The following BTBD9 variants were observed in gnomAD, a reference collection of about 807,000 sequenced individuals.
BTBD9 encodes the protein BTB/POZ domain-containing protein 9.
A neutral mutation model predicts 64.3 loss-of-function variants in BTBD9; 49 were observed. The observed-to-expected ratio is 0.76, with a 90% CI of 0.61 to 0.97. The LOEUF (loss-of-function observed/expected upper bound fraction) is 0.97, where lower values mean the gene tolerates loss of function less well. Among genes scored for constraint, BTBD9 ranks in the 50% least tolerant of loss-of-function variants. The pLI is 0.00. For missense variants in BTBD9, 598 were observed against 762.1 expected (o/e 0.78, Z 2.53); for synonymous variants, 260 against 274.7 (o/e 0.95, Z 0.53).
Position 38,289,309 on chromosome 6 carries a change from G to T in BTBD9, c.1265-848C>A, listed in dbSNP as rs1296920251. ...GGATTGCTTGGGCCTGGGAAGCAAT[G>T]GTTGCAGTGAGCCGAGGTCATGCCA... On this transcript the variant is annotated intron_variant, in intron 7 of 10. Coordinates refer to ENST00000481247, the MANE Select transcript of BTBD9 (RefSeq NM_001099272.2). Among the ~76,000 whole-genome samples the T allele has an allele frequency of 2.0e-5, 3 of 152,166 alleles. No individual in the cohort carries two copies. In the East Asian group the frequency reaches 5.8e-4, roughly 29 times the overall value.
chr6:38,534,469 A>T (rs2127432456), intron 6 of BTBD9, among the ~76,000 whole-genome samples: 1 of 141,762 alleles, frequency 7.1e-6, no homozygotes, highest in African/African-American at 2.6e-5. Context: ...TTCTACTCAA[A>T]CTGTTCAAAA....
chr6:38,349,752 T>C (rs1415540768), intron 6 of BTBD9, among the ~76,000 whole-genome samples: 1 of 151,924 alleles, frequency 6.6e-6, no homozygotes, highest in Non-Finnish European at 1.5e-5. Context: ...AAATGGTGCA[T>C]CTATGAGAGG....
chr6:38,489,684 T>C (rs951185839), intron 6 of BTBD9, among the ~76,000 whole-genome samples: 2 of 152,218 alleles, frequency 1.3e-5, no homozygotes, highest in Non-Finnish European at 2.9e-5. Context: ...ATTCAAAATA[T>C]TTTTCCATTT....
At chr6:38,287,920 A>C (rs1393368557) in intron 8 of BTBD9, among the ~76,000 whole-genome samples, 2 of 152,264 alleles carry the variant, frequency 1.3e-5, no homozygotes, top group African/African-American at 4.8e-5. Flanking sequence ...TATGTAATTT[A>C]TTAAAGTTGA....
chr6:38,246,599 C>CT (rs1764212668), intron 9 of BTBD9, among the ~76,000 whole-genome samples: 1 of 146,148 alleles, frequency 6.8e-6, no homozygotes, highest in African/African-American at 2.5e-5. Flanking sequence ...AATGTTTGCC[C>CT]TTTAAAAAAA....
At position 38,189,224 on chromosome 6, in the gene BTBD9, G is replaced by A. The variant is rs1026599868; in HGVS notation, c.1641+3295C>T. Among the ~76,000 whole-genome samples the A allele has an allele frequency of 3.9e-5, 6 of 152,192 alleles. No homozygotes were observed. In the East Asian group the frequency reaches 7.7e-4, roughly 20 times the overall value. ...ATGCTGCGGCCCTCCCCAGCTCCAC[G>A]AAGTGCTCTTGTCCATGCGGTCATA... On this transcript the variant is annotated intron_variant, in intron 10 of 10. Transcript: ENST00000481247.
intron 6 of BTBD9, among the ~76,000 whole-genome samples, chr6:38,393,268 C>T (rs1167713939): frequency 6.6e-6 from 1 of 152,192 alleles, no homozygotes; most frequent in Non-Finnish European, 1.5e-5. Context: ...TGCTTTCATT[C>T]TGGAGGTTCT....
intron 6 of BTBD9, among the ~76,000 whole-genome samples, chr6:38,542,712 C>G (rs556273630): frequency 6.6e-6 from 1 of 152,258 alleles, no homozygotes; most frequent in African/African-American, 2.4e-5. Context: ...CAAAACTAAG[C>G]ATATGATTCC....
At chr6:38,620,163 G>A (rs1163772017) in intron 1 of BTBD9, among the ~76,000 whole-genome samples, 1 of 152,204 alleles carries the variant, frequency 6.6e-6, no homozygotes, top group Non-Finnish European at 1.5e-5. Context: ...AGCAGTCCCT[G>A]CAATACCCGA....
intron 10 of BTBD9, among the ~76,000 whole-genome samples, chr6:38,177,332 GCCAGC>G (rs1761317040): frequency 6.6e-6 from 1 of 152,032 alleles, no homozygotes; most frequent in South Asian, 2.1e-4. Context: ...TAATTTCCAG[GCCAGC>G]TCTTCCCCCA....
chr6:38,282,806 G>C (rs554430909), intron 8 of BTBD9, among the ~76,000 whole-genome samples: 1 of 152,130 alleles, frequency 6.6e-6, no homozygotes, highest in African/African-American at 2.4e-5. Flanking sequence ...TCTCAGTGAG[G>C]CCTTCCTGAC....
intron 7 of BTBD9, among the ~76,000 whole-genome samples, chr6:38,303,870 TATATACAC>T (rs1226593514): frequency 8.8e-6 from 1 of 113,016 alleles, no homozygotes; most frequent in South Asian, 3.1e-4. Context: ...TATATATATA[TATATACAC>T]ACACACACAT....
chr6:38,355,181 G>A (rs1216229688), intron 6 of BTBD9, among the ~76,000 whole-genome samples: 1 of 152,186 alleles, frequency 6.6e-6, no homozygotes, highest in Non-Finnish European at 1.5e-5. Flanking sequence ...AAAATAGCAA[G>A]ACGCTCCAAG....
intron 10 of BTBD9, among the ~76,000 whole-genome samples, chr6:38,177,854 T>C (rs1761347342): frequency 6.6e-6 from 1 of 151,934 alleles, no homozygotes; most frequent in African/African-American, 2.4e-5. Context: ...CTAACAAGAC[T>C]GACAGCCAAT....
chr6:38,614,253 C>A (rs1372583703), intron 1 of BTBD9, among the ~76,000 whole-genome samples: 4 of 152,186 alleles, frequency 2.6e-5, no homozygotes, highest in African/African-American at 9.6e-5. Context: ...CTGTCAGATT[C>A]TGTTCCCCCA....
chr6:38,207,872 C>T (rs569136686), intron 9 of BTBD9, among the ~76,000 whole-genome samples: 77 of 151,890 alleles, frequency 5.1e-4, no homozygotes, highest in African/African-American at 1.7e-3. Context: ...AGTTGCTTTC[C>T]GAGAATGGGA....
intron 9 of BTBD9, among the ~76,000 whole-genome samples, chr6:38,246,054 C>T (rs1399584747): frequency 6.6e-6 from 1 of 152,180 alleles, no homozygotes; most frequent in Non-Finnish European, 1.5e-5. Flanking sequence ...CCTTCTAGCT[C>T]CTTTAACTTC....
chr6:38,355,581 G>A (rs904260027), intron 6 of BTBD9, among the ~76,000 whole-genome samples: 1 of 152,340 alleles, frequency 6.6e-6, no homozygotes, highest in East Asian at 1.9e-4. Context: ...GGAATGAACA[G>A]AAAGTAAACT....
chr6:38,253,171 G>C (rs999509735), intron 9 of BTBD9, among the ~76,000 whole-genome samples: 3 of 152,152 alleles, frequency 2.0e-5, no homozygotes, highest in African/African-American at 7.2e-5. Context: ...GCACCTTTGT[G>C]TTAGTCCGTT....
Sources: allele counts gnomAD v4.1 joint callset (sites outside exome capture counted in the v4.1 genomes callset), GRCh38; gene constraint gnomAD v4.1.1; transcripts MANE v1.5; gene names NCBI Gene and HGNC (gene_info 2026-07-23, HGNC 2026-07-21).